The following FMNL3 variants were observed in gnomAD, a reference collection of about 807,000 sequenced individuals.
FMNL3 encodes formin-like protein 3.
Under a neutral mutation model 119.6 loss-of-function variants are expected in FMNL3, and 57 were observed. The ratio of observed to expected loss-of-function variants is 0.48; its 90% CI spans 0.39 to 0.59. The LOEUF (loss-of-function observed/expected upper bound fraction) is 0.59, where lower values mean the gene tolerates loss of function less well. Among genes scored for constraint, FMNL3 ranks in the 20% least tolerant of loss-of-function variants. The pLI is 0.00. For synonymous variants in FMNL3, 491 were observed against 507.3 expected (o/e 0.97, Z 0.43); for missense variants, 1,053 against 1,323.5 (o/e 0.80, Z 3.17).
intron 1 of FMNL3, among the ~76,000 whole-genome samples, chr12:49,684,023 G>A (rs995936671): frequency 6.6e-6 from 1 of 152,086 alleles, no homozygotes; most frequent in Non-Finnish European, 1.5e-5. Context: ...GTGCTCTCCC[G>A]ATGCTTCCTG....
intron 2 of FMNL3, among the ~76,000 whole-genome samples, chr12:49,667,748 AGAAAT>A (rs1943930964): frequency 6.6e-6 from 1 of 152,210 alleles, no homozygotes. Flanking sequence ...GAGCCTGAAA[AGAAAT>A]AATAAAATTG....
intron 1 of FMNL3, among the ~76,000 whole-genome samples, chr12:49,698,167 A>G (rs1944803122): frequency 6.6e-6 from 1 of 152,194 alleles, no homozygotes; most frequent in South Asian, 2.1e-4. Context: ...ATTTGAGTAG[A>G]AATGAGCAAA....
chr12:49,675,997 T>C (rs1470666556), intron 1 of FMNL3, among the ~76,000 whole-genome samples: 1 of 152,160 alleles, frequency 6.6e-6, no homozygotes, highest in East Asian at 1.9e-4. Flanking sequence ...GTGATTGATG[T>C]TTCCCCAATC....
At chr12:49,693,940 C>T (rs559642872) in intron 1 of FMNL3, among the ~76,000 whole-genome samples, 1 of 151,042 alleles carries the variant, frequency 6.6e-6, no homozygotes, top group African/African-American at 2.4e-5. Flanking sequence ...GAGCCACCAA[C>T]AATCTTATTT....
Position 49,707,052 on chromosome 12 carries a change from C to T in FMNL3, c.126+3G>A. On this transcript the variant is annotated splice_donor_region_variant and intron_variant, in intron 1 of 25. Transcript: ENST00000335154. ...GGGGGAAGGGGCTGGGCTCAGCTCT[C>T]ACCAGCACCAGGGCGAACCTTTCCT... 1 of 1,577,628 alleles carries T rather than the reference C, an allele frequency of 6.3e-7. No individual in the cohort carries two copies. Among genetic ancestry groups the T allele is most frequent in the Non-Finnish European group, 8.6e-7 (1 of 1,162,540 alleles).
At chr12:49,650,007 A>T in intron 17 of FMNL3, 82 bp from the exon 18 acceptor site, 3 of 1,225,602 alleles carry the variant, frequency 2.4e-6, no homozygotes, top group Non-Finnish European at 3.4e-6. Flanking sequence ...AGCTCCTAGA[A>T]GAACTGGACA....
rs1405966648 is a variant in FMNL3 at position 49,647,704 on chromosome 12, T to C, written c.2777A>G (p.Lys926Arg). 9.9e-6 allele frequency: 16 copies of C among 1,613,696 alleles called. No individual in the cohort carries two copies. The highest frequency in any genetic ancestry group is 1.7e-4 in the Middle Eastern group (1 of 6,060). The change falls in exon 23 of 26, where the codon AAG (lysine) becomes AGG (arginine). Residue 926 changes from lysine to arginine, a missense_variant and splice_region_variant. Physicochemically the swap from Lys to Arg is conservative, Grantham distance 26. Coordinates refer to ENST00000335154, the MANE Select transcript of FMNL3 (RefSeq NM_175736.5). This position sits in a 1 kb window ranked among gnomAD's most constrained non-coding sequence, Gnocchi z 4.9. The stretch of plus-strand genomic sequence containing the variant: ...CTTAAAAAGCTCTCTGCAGCTTACC[T>C]TGTAAGAACGAATGAATCGGACAAA... ...PVFVRFIRSY[K>R]EAEQENEARK...
intron 1 of FMNL3, among the ~76,000 whole-genome samples, chr12:49,701,085 A>C (rs1213560101): frequency 6.6e-6 from 1 of 151,838 alleles, no homozygotes; most frequent in African/African-American, 2.4e-5. Flanking sequence ...TCTCAAAAAA[A>C]AAAAAAAAAA....
intron 9 of FMNL3, among the ~76,000 whole-genome samples, chr12:49,655,379 C>T (rs1943538577): frequency 6.6e-6 from 1 of 152,174 alleles, no homozygotes; most frequent in Non-Finnish European, 1.5e-5. Context: ...TTGCAGTGAG[C>T]TGAGATTGTG....
chr12:49,646,896 G>A lies in FMNL3; in HGVS notation c.2985C>T (p.Asp995=). 6.2e-7 allele frequency: 1 copy of A among 1,613,978 alleles called. No individual in the cohort carries two copies. The highest frequency in any genetic ancestry group is 1.1e-5 in the South Asian group (1 of 91,078). Residue 995 remains aspartate, a synonymous_variant, in exon 25 of 26, where the codon GAC becomes GAT. Coordinates refer to ENST00000335154, the MANE Select transcript of FMNL3 (RefSeq NM_175736.5). ...VYEGKDGTIE[D]IITGLHCQPM... is the part of the protein sequence containing the mutation. ...TGAAAAGGGCCCCACCTGTGATGAT[G>A]TCCTCGATGGTACCATCCTTCCCCT...
intron 17 of FMNL3, 151 bp downstream of exon 17, chr12:49,650,525 T>C (rs1943363843): frequency 1.2e-6 from 1 of 838,536 alleles, no homozygotes; most frequent in South Asian, 1.7e-5. Flanking sequence ...CCAGCACAGA[T>C]GCAGTAAATT....
At chr12:49,664,075 T>C (rs1258565549) in intron 4 of FMNL3, among the ~76,000 whole-genome samples, 4 of 152,090 alleles carry the variant, frequency 2.6e-5, no homozygotes, top group Non-Finnish European at 5.9e-5. Context: ...TGGTGAAACC[T>C]CATCTCTACT....
Position 49,674,464 on chromosome 12 carries a change from C to A in FMNL3, c.127-5910G>T, listed in dbSNP as rs117322902. 2.8e-3 allele frequency among the ~76,000 whole-genome samples: 432 copies of A among 152,348 alleles called. 1 individual carries two copies. The highest frequency in any genetic ancestry group is 5.3e-3 in the Non-Finnish European group (360 of 68,038). On this transcript the variant is annotated intron_variant, in intron 1 of 25. Transcript: ENST00000335154. Reference sequence around the variant, plus strand: ...GGCCTCCAGCCCTGGTCCTGCCAAACTCTACAGCCTCCCCAGGGCAGCTCC... The same window carrying A: ...GGCCTCCAGCCCTGGTCCTGCCAAAATCTACAGCCTCCCCAGGGCAGCTCC...
rs1184329118 is a variant in FMNL3, at chr12:49,643,721, A to G, written c.*2094T>C. 1.2e-6 allele frequency: 2 copies of G among 1,614,024 alleles called. No individual in the cohort carries two copies. Among genetic ancestry groups the G allele is most frequent in the Admixed American group, 1.7e-5 (1 of 59,994 alleles). On this transcript the variant is annotated 3_prime_UTR_variant, in exon 26 of 26. Transcript: ENST00000335154. Reference sequence around the variant, plus strand: ...GGCCTTCGGAAAGCCAAGAAACCAAAAAAGAAAACTAAGAAGAGAAGACAC... The same window carrying G: ...GGCCTTCGGAAAGCCAAGAAACCAAGAAAGAAAACTAAGAAGAGAAGACAC...
Position 49,646,949 on chromosome 12 carries a change from G to A in FMNL3, c.2932C>T (p.Gln978Ter), listed in dbSNP as rs375067530. 2.5e-6 allele frequency: 4 copies of A among 1,614,072 alleles called. No homozygotes were observed. ...QELIAELRRR[Q>*]AKEHRPVYEG... ...TAAACAGGCCGGTGTTCCTTGGCCT[G>A]GCGCCGCCTCAACTCTGCTATTAAC... The change falls in exon 25 of 26, where the codon CAG (glutamine) becomes TAG (stop). Residue 978 changes from glutamine (Q) to a stop codon, truncating the protein, a stop_gained. Coordinates refer to ENST00000335154, the MANE Select transcript of FMNL3 (RefSeq NM_175736.5). LOFTEE classifies it high-confidence loss of function.
At chr12:49,648,450 G>T in intron 21 of FMNL3, 97 bp from the exon 22 acceptor site, 1 of 1,350,520 alleles carries the variant, frequency 7.4e-7, no homozygotes. Context: ...CCCTCAGCAT[G>T]GGCTCACTCA....
Position 49,645,008 on chromosome 12 carries a change from G to A in FMNL3, c.*807C>T, listed in dbSNP as rs1181618683. Reference sequence around the variant, plus strand: ...GTAAGAGGAAAGGGAGGTGGTACATGTACAAAAAAGTGGGCCCCCACATTC... The same window carrying A: ...GTAAGAGGAAAGGGAGGTGGTACATATACAAAAAAGTGGGCCCCCACATTC... On this transcript the variant is annotated 3_prime_UTR_variant, in exon 26 of 26. Coordinates refer to ENST00000335154, the MANE Select transcript of FMNL3 (RefSeq NM_175736.5). 1 of 144,608 alleles carries A rather than the reference G, an allele frequency of 6.9e-6. No homozygotes were observed. Among genetic ancestry groups the A allele is most frequent in the Non-Finnish European group, 1.5e-5 (1 of 67,006 alleles). 9.0% of individuals were successfully genotyped at this position (144,608 alleles called of 1,614,324 possible). A position where few individuals can be genotyped will look rare whatever the true frequency, so the allele number is the denominator to read the frequency against.
Position 49,643,924 on chromosome 12 carries a change from C to T in FMNL3, c.*1891G>A. The T allele has an allele frequency of 1.2e-6, 2 of 1,614,174 alleles. No homozygotes were observed. The highest frequency in any genetic ancestry group is 1.7e-6 in the Non-Finnish European group (2 of 1,180,034). On this transcript the variant is annotated 3_prime_UTR_variant, in exon 26 of 26. Transcript: ENST00000335154. ...TGGCAAGGAGAGCGATGAGAAAGAA[C>T]AAGAACAGGACAAGGACAGGGAGCT...
In FMNL3 at chr12:49,645,811, G is replaced by A; in HGVS notation, c.*4C>T. On this transcript the variant is annotated 3_prime_UTR_variant, in exon 26 of 26. Coordinates refer to ENST00000335154, the MANE Select transcript of FMNL3 (RefSeq NM_175736.5). ...GGTGAAGTGCTTCTGCCTCCGAGAG[G>A]GTCTCAGTGGGGGCCTGGAGCCCGA... 6.3e-7 allele frequency: 1 copy of A among 1,598,368 alleles called. No homozygotes were observed.
Sources: gnomAD v4.1 joint callset for allele counts (sites outside exome capture counted in the v4.1 genomes callset) on GRCh38, gnomAD v4.1.1 for gene constraint, Gnocchi (gnomAD v3.1) non-coding constraint, MANE v1.5 for transcripts, NCBI Gene and HGNC (gene_info 2026-07-23, HGNC 2026-07-21) for gene names.